The following ZMYND11 variants were observed in gnomAD, a reference collection of about 807,000 sequenced individuals.
ZMYND11 encodes zinc finger MYND domain-containing protein 11.
A neutral mutation model predicts 84.9 loss-of-function variants in ZMYND11; 9 were observed. The observed-to-expected ratio is 0.11, with a 90% CI of 0.06 to 0.18. The LOEUF (loss-of-function observed/expected upper bound fraction) is 0.18, where lower values mean the gene tolerates loss of function less well. Among genes scored for constraint, ZMYND11 ranks in the 10% least tolerant of loss-of-function variants. The pLI is 1.00. For missense variants in ZMYND11, 409 were observed against 761.0 expected (o/e 0.54, Z 5.44); for synonymous variants, 250 against 244.1 (o/e 1.02, Z -0.23).
intron 4 of ZMYND11, among the ~76,000 whole-genome samples, chr10:233,263 G>A (rs1273581436): frequency 6.6e-6 from 1 of 152,162 alleles, no homozygotes; most frequent in Non-Finnish European, 1.5e-5. Flanking sequence ...TCTTAGCTGT[G>A]CCGTTTGAAG....
intron 2 of ZMYND11, among the ~76,000 whole-genome samples, chr10:206,277 T>G (rs571805344): frequency 5.4e-4 from 82 of 152,248 alleles, no homozygotes; most frequent in African/African-American, 1.5e-3. Flanking sequence ...GGAGAATCAC[T>G]TGAACCCAGG....
intron 4 of ZMYND11, among the ~76,000 whole-genome samples, chr10:233,097 C>T (rs932389094): frequency 6.6e-6 from 1 of 152,186 alleles, no homozygotes; most frequent in East Asian, 1.9e-4. Context: ...GTGCTCTTAA[C>T]CACACCTATC....
chr10:244,727 T>C (rs924610390), intron 10 of ZMYND11: 2 of 152,256 alleles, frequency 1.3e-5, no homozygotes, highest in Admixed American at 6.5e-5. Flanking sequence ...CTCTTGTTAT[T>C]AGACTTACCT....
intron 10 of ZMYND11, among the ~76,000 whole-genome samples, chr10:243,349 TTAAA>T (rs1306294971): frequency 6.6e-6 from 1 of 152,228 alleles, no homozygotes; most frequent in Non-Finnish European, 1.5e-5. Context: ...GTTTTTCACA[TTAAA>T]TAAAACACAG....
At chr10:219,238 C>A (rs1176577980) in intron 3 of ZMYND11, among the ~76,000 whole-genome samples, 3 of 152,080 alleles carry the variant, frequency 2.0e-5, no homozygotes, top group African/African-American at 7.2e-5. Flanking sequence ...TGTGGAGAGG[C>A]CAGAGGTATG....
chr10:195,240 A>G (rs767192971), intron 2 of ZMYND11, among the ~76,000 whole-genome samples: 3 of 152,252 alleles, frequency 2.0e-5, no homozygotes, highest in Non-Finnish European at 4.4e-5. Flanking sequence ...GACAAATACA[A>G]TCTGAGAGAA....
chr10:203,776 G>T (rs1376726617), intron 2 of ZMYND11, among the ~76,000 whole-genome samples: 1 of 152,102 alleles, frequency 6.6e-6, no homozygotes, highest in African/African-American at 2.4e-5. Flanking sequence ...CCCATCCCTT[G>T]TTCCCTGAGC....
intron 2 of ZMYND11, among the ~76,000 whole-genome samples, chr10:194,027 C>T (rs1941119642): frequency 6.6e-6 from 1 of 152,048 alleles, no homozygotes; most frequent in Admixed American, 6.6e-5. Flanking sequence ...CCCTGTTAAC[C>T]AGGATGGAGT....
upstream of ZMYND11, among the ~76,000 whole-genome samples, chr10:134,100 C>G (rs1835416664): frequency 6.6e-6 from 1 of 152,156 alleles, no homozygotes; most frequent in African/African-American, 2.4e-5. Context: ...CGGGGTAGTG[C>G]TGAACCTTAC....
chr10:182,823 C>CT, intron 2 of ZMYND11, among the ~76,000 whole-genome samples: 1 of 152,170 alleles, frequency 6.6e-6, no homozygotes, highest in East Asian at 1.9e-4. Flanking sequence ...GAAGTCAGAT[C>CT]TTTTGCTCTA....
chr10:158,082 A>G (rs1554759971), intron 1 of ZMYND11, among the ~76,000 whole-genome samples: 1 of 152,206 alleles, frequency 6.6e-6, no homozygotes, highest in African/African-American at 2.4e-5. Context: ...TGTATGAATG[A>G]TATTCCATTG....
At chr10:237,826 C>T (rs1452855632) in intron 6 of ZMYND11, 149 bp downstream of exon 6, 1 of 563,684 alleles carries the variant, frequency 1.8e-6, no homozygotes, top group Non-Finnish European at 3.1e-6. Flanking sequence ...ACAGGCATAA[C>T]TACCAAATGA....
chr10:151,861 G>A (rs935189636), intron 1 of ZMYND11, among the ~76,000 whole-genome samples: 26 of 152,164 alleles, frequency 1.7e-4, no homozygotes, highest in Non-Finnish European at 3.1e-4. Context: ...ACTAACAGCT[G>A]ATCTCTTGGC....
chr10:188,180 T>C (rs950883642), intron 2 of ZMYND11, among the ~76,000 whole-genome samples: 21 of 152,290 alleles, frequency 1.4e-4, no homozygotes, highest in African/African-American at 3.6e-4. Context: ...AATATTTTTA[T>C]GCTTAAGATG....
In ZMYND11 at chr10:254,457, T is replaced by C. The variant is rs564222612; in HGVS notation, c.*1987T>C. On this transcript the variant is annotated 3_prime_UTR_variant, in exon 15 of 15. Coordinates refer to ENST00000381604, the MANE Select transcript of ZMYND11 (RefSeq NM_001370100.5). ...GTTTTAGGAATCATTATTAAAAATT[T>C]TCTGCAAATCATAAAGCTATATCGA... is the stretch of plus-strand genomic sequence containing the variant. 4 of 152,784 alleles carry C rather than the reference T, an allele frequency of 2.6e-5. No homozygotes were observed. The East Asian group carries it at 5.8e-4, about 22-fold the overall frequency. The allele number at this position is 152,784 out of a possible 1,614,324, so 9.5% of individuals were successfully genotyped here. A position where few individuals can be genotyped will look rare whatever the true frequency, so the allele number is the denominator to read the frequency against.
chr10:179,458 C>T (rs944835051), intron 1 of ZMYND11, among the ~76,000 whole-genome samples: 31 of 152,158 alleles, frequency 2.0e-4, no homozygotes, highest in Non-Finnish European at 2.2e-4. Flanking sequence ...TGTTCTGTCC[C>T]TCAACCTTTC....
chr10:150,141 A>T (rs539444948), intron 1 of ZMYND11, among the ~76,000 whole-genome samples: 1 of 152,296 alleles, frequency 6.6e-6, no homozygotes, highest in South Asian at 2.1e-4. Flanking sequence ...TGAGTTAGGG[A>T]GGATTCCCTC....
At chr10:155,510 C>G (rs1331577671) in intron 1 of ZMYND11, among the ~76,000 whole-genome samples, 1 of 151,588 alleles carries the variant, frequency 6.6e-6, no homozygotes, top group Non-Finnish European at 1.5e-5. Flanking sequence ...CAATGAGAAA[C>G]AAAAAAAGGA....
At chr10:207,387 A>C (rs1944389069) in intron 2 of ZMYND11, among the ~76,000 whole-genome samples, 3 of 152,168 alleles carry the variant, frequency 2.0e-5, no homozygotes. Context: ...TGGTATTTCT[A>C]GTTCTAGATC....
Sources: allele counts gnomAD v4.1 joint callset (sites outside exome capture counted in the v4.1 genomes callset), GRCh38; gene constraint gnomAD v4.1.1; transcripts MANE v1.5; gene names NCBI Gene and HGNC (gene_info 2026-07-23, HGNC 2026-07-21).